The following PPFIA1 variants were observed in gnomAD, a reference collection of about 807,000 sequenced individuals.
The protein encoded by PPFIA1 is liprin-alpha-1.
Under a neutral mutation model 149.9 loss-of-function variants are expected in PPFIA1, and 25 were observed. The ratio of observed to expected loss-of-function variants is 0.17; its 90% CI spans 0.12 to 0.23. The LOEUF (loss-of-function observed/expected upper bound fraction) is 0.23. PPFIA1 is among the 10% of genes least tolerant of loss of function. PPFIA1 has a pLI of 1.00. For missense variants in PPFIA1, 1,362 were observed against 1,506.5 expected (o/e 0.90, Z 1.59); for synonymous variants, 549 against 552.8 (o/e 0.99, Z 0.10).
chr11:70,295,984 C>T (rs1184070956), intron 2 of PPFIA1, among the ~76,000 whole-genome samples: 4 of 151,320 alleles, frequency 2.6e-5, no homozygotes, highest in South Asian at 2.1e-4. Flanking sequence ...TGGGCAGAGA[C>T]GCTCCTCACC....
intron 2 of PPFIA1, among the ~76,000 whole-genome samples, chr11:70,293,164 CT>C (rs1189672524): frequency 6.6e-6 from 1 of 152,240 alleles, no homozygotes; most frequent in African/African-American, 2.4e-5. Flanking sequence ...TAAACGGGAT[CT>C]TTTAACGGTT....
chr11:70,286,251 A>T (rs1250256106), intron 2 of PPFIA1, among the ~76,000 whole-genome samples: 1 of 151,938 alleles, frequency 6.6e-6, no homozygotes, highest in Non-Finnish European at 1.5e-5. Flanking sequence ...TCAGGTGGCT[A>T]TGTCTCTTCT....
chr11:70,368,953 T>C (rs1159358279), intron 21 of PPFIA1, among the ~76,000 whole-genome samples: 2 of 47,664 alleles, frequency 4.2e-5, no homozygotes, highest in Admixed American at 2.2e-4. Context: ...ACAGTCAGTC[T>C]TTTTTTTTTT....
At chr11:70,347,249 T>C (rs2055760682) in intron 15 of PPFIA1, among the ~76,000 whole-genome samples, 3 of 152,126 alleles carry the variant, frequency 2.0e-5, no homozygotes, top group Non-Finnish European at 4.4e-5. Flanking sequence ...AAATATCACT[T>C]AGTAAGGAAA....
At chr11:70,294,139 G>A (rs1031486678) in intron 2 of PPFIA1, among the ~76,000 whole-genome samples, 1 of 151,830 alleles carries the variant, frequency 6.6e-6, no homozygotes, top group Non-Finnish European at 1.5e-5. Context: ...ACAGGGTTTC[G>A]CCATGTTTCC....
intron 26 of PPFIA1, among the ~76,000 whole-genome samples, chr11:70,378,947 C>G (rs2057595366): frequency 6.6e-6 from 1 of 152,180 alleles, no homozygotes. Flanking sequence ...GCCAGGCTGC[C>G]TAGGTTTGAC....
chr11:70,348,500 A>G lies in PPFIA1; in HGVS notation c.2163+80A>G, dbSNP rs905138412. 6.0e-5 allele frequency: 68 copies of G among 1,133,606 alleles called. No individual in the cohort carries two copies. In the South Asian group the frequency reaches 9.1e-4, roughly 15 times the overall value. 70.2% of individuals were successfully genotyped at this position (1,133,606 alleles called of 1,614,324 possible). A position where few individuals can be genotyped will look rare whatever the true frequency, so the allele number is the denominator to read the frequency against. ...CTTGGACACTACAAATCTACCCACAAGAAAATCAAGTACATTCGTTATTCT... is the reference window on the plus strand; with the variant it reads ...CTTGGACACTACAAATCTACCCACAGGAAAATCAAGTACATTCGTTATTCT... On this transcript the variant is annotated intron_variant, in intron 16 of 27. Transcript: ENST00000253925.
At position 70,332,041 on chromosome 11, in the gene PPFIA1, A is replaced by G. The variant is rs1221116357; in HGVS notation, c.1159A>G (p.Thr387Ala). 6.2e-7 allele frequency: 1 copy of G among 1,613,042 alleles called. No homozygotes were observed. Among genetic ancestry groups the G allele is most frequent in the Admixed American group, 1.7e-5 (1 of 59,906 alleles). Residue 387 changes from threonine to alanine, a missense_variant, in exon 9 of 28, where the codon ACG (threonine) becomes GCG (alanine). Coordinates refer to ENST00000253925, the MANE Select transcript of PPFIA1 (RefSeq NM_003626.5). Reference sequence around the variant, plus strand: ...GCAACAGACACTGAGGAAGGCAGAGACGCTCCCGGAGGTGGAGGCGGAGCT... The same window carrying G: ...GCAACAGACACTGAGGAAGGCAGAGGCGCTCCCGGAGGTGGAGGCGGAGCT... ...KLQQTLRKAE[T>A]LPEVEAELAQ...
intron 2 of PPFIA1, among the ~76,000 whole-genome samples, chr11:70,297,977 G>T (rs774001288): frequency 7.2e-5 from 11 of 152,218 alleles, no homozygotes; most frequent in Non-Finnish European, 1.3e-4. Context: ...GAGATCTGAA[G>T]AGAGCAGTTT....
chr11:70,325,367 C>G (rs1338071427), intron 4 of PPFIA1, 133 bp from the exon 5 acceptor site: 2 of 498,922 alleles, frequency 4.0e-6, no homozygotes, highest in African/African-American at 4.0e-5. Flanking sequence ...CAATGACAGA[C>G]ATTAATGGTA....
chr11:70,305,290 T>G (rs2052774410), intron 2 of PPFIA1, among the ~76,000 whole-genome samples: 3 of 152,192 alleles, frequency 2.0e-5, no homozygotes, highest in Admixed American at 2.0e-4. Context: ...GAACTCTAGG[T>G]GGGAAATTGG....
At chr11:70,350,223 A>G (rs1006781583) in intron 16 of PPFIA1, among the ~76,000 whole-genome samples, 2 of 152,220 alleles carry the variant, frequency 1.3e-5, no homozygotes, top group Non-Finnish European at 2.9e-5. Flanking sequence ...TTTTTACTCA[A>G]ATTATGTAGG....
rs765652511 is a variant in PPFIA1, at chr11:70,372,351, A to G, written c.3002A>G (p.Asp1001Gly). The change falls in exon 22 of 28, where the codon GAC (aspartate) becomes GGC (glycine). Residue 1001 changes from aspartate (D) to glycine (G), a missense_variant. By Grantham distance (94) the Asp-to-Gly change is moderately conservative. Transcript: ENST00000253925. ...ARMLDHLTKK[D>G]LRGQLKMVDS... is the part of the protein sequence containing the mutation. ...ATGCTGGACCACTTGACCAAGAAAG[A>G]CCTTCGAGGGCAGCTGAAAATGGTC... 4 of 1,614,060 alleles carry G rather than the reference A, an allele frequency of 2.5e-6. No homozygotes were observed. The highest frequency in any genetic ancestry group is 3.4e-6 in the Non-Finnish European group (4 of 1,180,032).
chr11:70,337,836 G>A (rs539649345), intron 12 of PPFIA1, among the ~76,000 whole-genome samples: 3 of 152,218 alleles, frequency 2.0e-5, no homozygotes, highest in Admixed American at 1.3e-4. Flanking sequence ...ATAGAAACAA[G>A]TGAGCTACTT....
chr11:70,312,537 G>C (rs1252399049), intron 2 of PPFIA1, among the ~76,000 whole-genome samples: 1 of 152,176 alleles, frequency 6.6e-6, no homozygotes, highest in Admixed American at 6.5e-5. Flanking sequence ...TCCCCCTACA[G>C]GAGTGTTGAT....
At position 70,382,982 on chromosome 11, in the gene PPFIA1, TTGTTTG is replaced by T. The variant is rs1478195853; in HGVS notation, c.*13-15_*13-10del. On this transcript the variant is annotated splice_polypyrimidine_tract_variant and intron_variant, in intron 27 of 27. Transcript: ENST00000253925. ...GGCCCGGCCTGTACTGAGTGGTTTT[TTGTTTG>T]TGTTTATTTTCCAGTTTACCCACAC... is the stretch of plus-strand genomic sequence containing the variant. 1 of 396,976 alleles carries T rather than the reference TTGTTTG, an allele frequency of 2.5e-6. No individual in the cohort carries two copies. Among genetic ancestry groups the T allele is most frequent in the Non-Finnish European group, 4.8e-6 (1 of 208,594 alleles). 24.6% of individuals were successfully genotyped at this position (396,976 alleles called of 1,614,324 possible).
At chr11:70,360,374 G>A (rs1036210972) in intron 19 of PPFIA1, among the ~76,000 whole-genome samples, 7 of 152,238 alleles carry the variant, frequency 4.6e-5, no homozygotes, top group Non-Finnish European at 7.3e-5. Flanking sequence ...GTTAAAAAAC[G>A]AAGTCTCTGG....
chr11:70,360,250 G>T (rs2056570615), intron 19 of PPFIA1, among the ~76,000 whole-genome samples: 1 of 152,244 alleles, frequency 6.6e-6, no homozygotes, highest in Non-Finnish European at 1.5e-5. Context: ...AGTGATCATT[G>T]CCAGGAAGAG....
intron 21 of PPFIA1, among the ~76,000 whole-genome samples, chr11:70,369,361 T>C (rs2057115853): frequency 6.6e-6 from 1 of 152,244 alleles, no homozygotes; most frequent in African/African-American, 2.4e-5. Context: ...TCTTATTGTT[T>C]TAATATGTTG....
Sources: gnomAD v4.1 joint callset for allele counts (sites outside exome capture counted in the v4.1 genomes callset) on GRCh38, gnomAD v4.1.1 for gene constraint, MANE v1.5 for transcripts, NCBI Gene and HGNC (gene_info 2026-07-23, HGNC 2026-07-21) for gene names.